The following FSTL5 variants were observed in gnomAD, a reference collection of about 807,000 sequenced individuals.
FSTL5 encodes the protein follistatin like 5, also known as follistatin-related protein 5.
In FSTL5, 62 loss-of-function variants were observed where a neutral mutation model predicts 89.1. The ratio of observed to expected loss-of-function variants is 0.70; its 90% CI spans 0.57 to 0.86. The LOEUF (loss-of-function observed/expected upper bound fraction) is 0.86, where lower values mean the gene tolerates loss of function less well. FSTL5 is among the 40% of genes least tolerant of loss of function. The probability of loss-of-function intolerance (pLI) is 0.00; values close to 1 mark genes in which losing one functional copy is unlikely to be tolerated. For missense variants in FSTL5, 1,057 were observed against 1,001.6 expected (o/e 1.06, Z -0.75); for synonymous variants, 383 against 346.2 (o/e 1.11, Z -1.18).
chr4:161,790,329 T>A (rs1729417698), intron 4 of FSTL5, among the ~76,000 whole-genome samples: 1 of 152,208 alleles, frequency 6.6e-6, no homozygotes, highest in Non-Finnish European at 1.5e-5. Flanking sequence ...GGTACAAAGC[T>A]ATGGGAGCAA....
At chr4:161,540,033 T>G (rs2126541702) in intron 9 of FSTL5, among the ~76,000 whole-genome samples, 1 of 152,158 alleles carries the variant, frequency 6.6e-6, no homozygotes, top group East Asian at 1.9e-4. Flanking sequence ...TCTCCTAACC[T>G]ATATGTCCCA....
At chr4:161,442,340 G>T (rs1158867238) in intron 15 of FSTL5, among the ~76,000 whole-genome samples, 1 of 151,870 alleles carries the variant, frequency 6.6e-6, no homozygotes, top group Admixed American at 6.6e-5. Context: ...TAAACCAGTG[G>T]CCCCATCAAT....
At chr4:162,026,482 A>G (rs1422559817) in intron 3 of FSTL5, among the ~76,000 whole-genome samples, 1 of 151,106 alleles carries the variant, frequency 6.6e-6, no homozygotes, top group Non-Finnish European at 1.5e-5. Flanking sequence ...TAATTTTTGT[A>G]TTTTTAGTAG....
chr4:161,994,797 C>T (rs112082775), intron 3 of FSTL5, among the ~76,000 whole-genome samples: 8,365 of 152,150 alleles, frequency 0.055, 265 homozygotes, highest in Non-Finnish European at 0.077. Flanking sequence ...GTCAGATGCA[C>T]AGTTTGCAAA....
intron 4 of FSTL5, among the ~76,000 whole-genome samples, chr4:161,787,793 C>T (rs543708844): frequency 7.7e-4 from 117 of 152,120 alleles, no homozygotes; most frequent in Middle Eastern, 3.4e-3. Context: ...AGATATATTC[C>T]TTTGATATGG....
intron 5 of FSTL5, among the ~76,000 whole-genome samples, chr4:161,766,971 A>C (rs1028285000): frequency 3.9e-5 from 6 of 152,070 alleles, no homozygotes; most frequent in Non-Finnish European, 7.4e-5. Context: ...ACTCCTTTGA[A>C]TCTCAGGCCA....
chr4:161,720,266 T>C (rs1350710719), intron 6 of FSTL5, among the ~76,000 whole-genome samples: 1 of 148,098 alleles, frequency 6.8e-6, no homozygotes, highest in African/African-American at 2.5e-5. Flanking sequence ...ATGAATAAAA[T>C]GCTGTGGTCA....
chr4:161,683,034 C>A (rs145759333), intron 6 of FSTL5, among the ~76,000 whole-genome samples: 1,750 of 152,132 alleles, frequency 0.012, 27 homozygotes, highest in African/African-American at 0.04. Context: ...CGTGAGCCAC[C>A]GTGCCCGGCC....
At chr4:161,446,279 AAAT>A (rs1732943408) in intron 15 of FSTL5, among the ~76,000 whole-genome samples, 1 of 152,042 alleles carries the variant, frequency 6.6e-6, no homozygotes, top group African/African-American at 2.4e-5. Flanking sequence ...TGTGTATATA[AAAT>A]AAGCATTTAG....
intron 7 of FSTL5, among the ~76,000 whole-genome samples, chr4:161,651,142 A>G (rs2126677853): frequency 6.6e-6 from 1 of 152,204 alleles, no homozygotes; most frequent in East Asian, 1.9e-4. Context: ...GAACTCACAA[A>G]CCAGGAACCA....
intron 3 of FSTL5, among the ~76,000 whole-genome samples, chr4:161,947,896 AC>A (rs1734779515): frequency 6.6e-6 from 1 of 150,566 alleles, no homozygotes; most frequent in African/African-American, 2.5e-5. Flanking sequence ...CCATAGAGAG[AC>A]CTTTTAACAG....
chr4:161,810,550 T>C (rs1730106974), intron 4 of FSTL5, among the ~76,000 whole-genome samples: 1 of 152,100 alleles, frequency 6.6e-6, no homozygotes, highest in African/African-American at 2.4e-5. Flanking sequence ...ATTTGGCAAT[T>C]GGTGCAGTAA....
chr4:161,714,230 T>C (rs1427726440), intron 6 of FSTL5, among the ~76,000 whole-genome samples: 1 of 152,062 alleles, frequency 6.6e-6, no homozygotes, highest in African/African-American at 2.4e-5. Context: ...TAGAATGATC[T>C]GAGGTCACTT....
chr4:161,984,936 C>CT (rs1430690399), intron 3 of FSTL5, among the ~76,000 whole-genome samples: 1 of 151,720 alleles, frequency 6.6e-6, no homozygotes, highest in Non-Finnish European at 1.5e-5. Flanking sequence ...GTCTTGCTCT[C>CT]TCTCGAACAT....
chr4:162,108,534 ATAAG>A (rs893541577), intron 2 of FSTL5, among the ~76,000 whole-genome samples: 6 of 151,922 alleles, frequency 3.9e-5, no homozygotes, highest in Non-Finnish European at 7.4e-5. Flanking sequence ...TTTCTAGTCA[ATAAG>A]TAATATTTAA....
At chr4:161,945,369 G>A (rs1048051545) in intron 3 of FSTL5, among the ~76,000 whole-genome samples, 3 of 152,134 alleles carry the variant, frequency 2.0e-5, no homozygotes, top group Non-Finnish European at 4.4e-5. Flanking sequence ...GGCACATAAG[G>A]ATTTGACATG....
intron 3 of FSTL5, among the ~76,000 whole-genome samples, chr4:161,993,018 G>A (rs1429214894): frequency 4.7e-5 from 7 of 147,860 alleles, no homozygotes; most frequent in South Asian, 4.3e-4. Context: ...TGCACAAGGC[G>A]GAGGGGTGTG....
At chr4:161,779,313 T>C (rs1160103763) in intron 4 of FSTL5, among the ~76,000 whole-genome samples, 1 of 152,164 alleles carries the variant, frequency 6.6e-6, no homozygotes, top group Admixed American at 6.5e-5. Flanking sequence ...ATTCTATAAA[T>C]ATGTACAATA....
chr4:161,863,454 C>A lies in FSTL5; in HGVS notation c.409+56950G>T, dbSNP rs188096812. On this transcript the variant is annotated intron_variant, in intron 4 of 15. Transcript: ENST00000306100. ...AAGGAAAATAAAGCAGCAGGAGAAT[C>A]AGTTTGTTGCAATAGTTACAACAAC... Among the ~76,000 whole-genome samples, 25 of 152,250 alleles carry A rather than the reference C, an allele frequency of 1.6e-4. No individual in the cohort carries two copies. In the East Asian group the frequency reaches 4.8e-3, roughly 29 times the overall value.
Sources: gnomAD v4.1 joint callset for allele counts (sites outside exome capture counted in the v4.1 genomes callset) on GRCh38, gnomAD v4.1.1 for gene constraint, MANE v1.5 for transcripts, NCBI Gene and HGNC (gene_info 2026-07-23, HGNC 2026-07-21) for gene names.